NCMAP: variants seen among roughly 807,000 people sequenced by gnomAD.
NCMAP encodes the protein non-compact myelin associated protein.
A neutral mutation model predicts 7.8 loss-of-function variants in NCMAP; 8 were observed. The observed-to-expected ratio is 1.02, with a 90% confidence interval of 0.60 to 1.84. The LOEUF (loss-of-function observed/expected upper bound fraction) is 1.84, where lower values mean the gene tolerates loss of function less well. NCMAP is among the 40% of genes most tolerant of loss of function. NCMAP has a pLI of 0.00. For synonymous variants in NCMAP, 41 were observed against 52.9 expected (o/e 0.78, Z 0.98); for missense variants, 112 against 131.4 (o/e 0.85, Z 0.72).
At chr1:24,597,852 A>T (rs1652314698) in intron 2 of NCMAP, among the ~76,000 whole-genome samples, 1 of 152,000 alleles carries the variant, frequency 6.6e-6, no homozygotes, top group African/African-American at 2.4e-5. Context: ...AATATTTGAG[A>T]TGTACTTATA....
At chr1:24,598,262 T>C (rs1465349706) in intron 2 of NCMAP, among the ~76,000 whole-genome samples, 1 of 150,750 alleles carries the variant, frequency 6.6e-6, no homozygotes, top group East Asian at 1.9e-4. Flanking sequence ...ACATTCAAAA[T>C]GTGCATAAAT....
At chr1:24,559,277 T>C (rs1431037371) in intron 1 of NCMAP, among the ~76,000 whole-genome samples, 2 of 152,190 alleles carry the variant, frequency 1.3e-5, no homozygotes, top group African/African-American at 2.4e-5. Flanking sequence ...GAGGCAGTCA[T>C]TGGCATCTCA....
At chr1:24,574,865 G>A (rs1357813901) in intron 1 of NCMAP, among the ~76,000 whole-genome samples, 4 of 147,562 alleles carry the variant, frequency 2.7e-5, no homozygotes, top group African/African-American at 5.0e-5. Flanking sequence ...GCATGATCTC[G>A]GCTCACTGCA....
At chr1:24,604,617 T>A (rs1376715912) in intron 3 of NCMAP, among the ~76,000 whole-genome samples, 7 of 26,642 alleles carry the variant, frequency 2.6e-4, no homozygotes, top group Admixed American at 4.3e-4. Context: ...TATATATATA[T>A]ATATATATAT....
chr1:24,607,293 G>C lies in NCMAP; in HGVS notation c.*1546G>C. On this transcript the variant is annotated 3_prime_UTR_variant, in exon 4 of 4. Transcript: ENST00000374392. ...TGGGATTACAGGCATGGACTATGGT[G>C]CCCAGCCTAGGAGCCAACATTATTA... 6.6e-6 allele frequency: 1 copy of C among 152,070 alleles called. No homozygotes were observed. Among genetic ancestry groups the C allele is most frequent in the East Asian group, 1.9e-4 (1 of 5,158 alleles). The allele number at this position is 152,070 out of a possible 1,614,324, so 9.4% of individuals were successfully genotyped here. A position where few individuals can be genotyped will look rare whatever the true frequency, so the allele number is the denominator to read the frequency against.
chr1:24,602,524 C>T (rs1230100468), intron 3 of NCMAP, among the ~76,000 whole-genome samples: 22 of 125,080 alleles, frequency 1.8e-4, no homozygotes, highest in African/African-American at 6.5e-4. Context: ...GAGCGGAGAT[C>T]GCGCCACAGC....
chr1:24,577,416 T>G (rs1350712441), intron 1 of NCMAP, among the ~76,000 whole-genome samples: 10 of 146,298 alleles, frequency 6.8e-5, no homozygotes, highest in South Asian at 2.2e-4. Context: ...TTTTTTTTTT[T>G]TTTTTTTTTT....
intron 1 of NCMAP, among the ~76,000 whole-genome samples, chr1:24,571,762 T>G (rs1398490879): frequency 6.7e-6 from 1 of 150,014 alleles, no homozygotes; most frequent in Non-Finnish European, 1.5e-5. Context: ...ATTTTTGTGT[T>G]TTTGGTAGAG....
intron 3 of NCMAP, among the ~76,000 whole-genome samples, chr1:24,604,625 T>A (rs868589576): frequency 5.3e-5 from 3 of 56,432 alleles, no homozygotes; most frequent in Non-Finnish European, 8.6e-5. Context: ...TATATATATA[T>A]ATATATATAT....
In NCMAP at chr1:24,597,642, A is replaced by AGAAG. The variant is rs1553157433; in HGVS notation, c.82+2133_82+2134insGGAA. ...GAGAAAGAAAGAAAGAAAGAAAGAA[A>AGAAG]GAAAGAAAGAAAGAAAGAAAGAAAG... On this transcript the variant is annotated intron_variant, in intron 2 of 3. Transcript: ENST00000374392. Among the ~76,000 whole-genome samples the AGAAG allele has an allele frequency of 1.1e-4, 14 of 124,746 alleles. 1 individual carries two copies. The highest frequency in any genetic ancestry group is 5.2e-4 in the African/African-American group (13 of 24,994). 81.8% of individuals were successfully genotyped at this position (124,746 alleles called of 152,430 possible).
intron 1 of NCMAP, among the ~76,000 whole-genome samples, chr1:24,593,956 A>ATC (rs1183409816): frequency 6.6e-6 from 1 of 151,836 alleles, no homozygotes; most frequent in African/African-American, 2.4e-5. Context: ...CAGTGGTGCA[A>ATC]TCTCTGCTCA....
intron 1 of NCMAP, among the ~76,000 whole-genome samples, chr1:24,556,470 C>CCTTCCT (rs1650899376): frequency 6.6e-6 from 1 of 152,172 alleles, no homozygotes; most frequent in Non-Finnish European, 1.5e-5. Flanking sequence ...GGCCGAGGCT[C>CCTTCCT]GCTGGAAGAA....
rs1269011338 is a variant in NCMAP, at chr1:24,607,763, C to G, written c.*2016C>G. On this transcript the variant is annotated 3_prime_UTR_variant, in exon 4 of 4. Transcript: ENST00000374392. ...ACCTGTAATCCCACTACTAGGGAGG[C>G]TGTGGCATGAGAATCACTTGAACCT... The G allele has an allele frequency of 2.6e-5, 4 of 152,342 alleles. No individual in the cohort carries two copies. Among genetic ancestry groups the G allele is most frequent in the African/African-American group, 9.6e-5 (4 of 41,458 alleles). 9.4% of individuals were successfully genotyped at this position (152,342 alleles called of 1,614,324 possible).
At chr1:24,581,734 G>A (rs1651752015) in intron 1 of NCMAP, among the ~76,000 whole-genome samples, 1 of 152,186 alleles carries the variant, frequency 6.6e-6, no homozygotes, top group Admixed American at 6.5e-5. Context: ...CCAGAGAGGG[G>A]CCTAAAGCAG....
intron 1 of NCMAP, among the ~76,000 whole-genome samples, chr1:24,559,853 C>G (rs1357340836): frequency 6.6e-6 from 1 of 152,232 alleles, no homozygotes; most frequent in Non-Finnish European, 1.5e-5. Flanking sequence ...CGATAGTACC[C>G]TCTGCAATCA....
Position 24,573,952 on chromosome 1 carries a change from CAAA to C in NCMAP, c.-8+17800_-8+17802del, listed in dbSNP as rs78594011. Among the ~76,000 whole-genome samples the C allele has an allele frequency of 1.3e-3, 112 of 84,436 alleles. 2 individuals are homozygous for C. The highest frequency in any genetic ancestry group is 4.9e-3 in the African/African-American group (90 of 18,396). 55.4% of individuals were successfully genotyped at this position (84,436 alleles called of 152,430 possible). On this transcript the variant is annotated intron_variant, in intron 1 of 3. Transcript: ENST00000374392. ...CACTCTGCTGGGGACCCAGAGAGGA[CAAA>C]AAAAAAAAAAAAAAAACAGAAAAAA...
At chr1:24,577,401 GTTTTTTTTTTTTTTTTT>G (rs71577720) in intron 1 of NCMAP, among the ~76,000 whole-genome samples, 1 of 39,956 alleles carries the variant, frequency 2.5e-5, no homozygotes, top group Admixed American at 3.1e-4. Context: ...CACTGGCCTT[GTTTTTTTTTTTTTTTTT>G]TTTTTTTTTT....
intron 2 of NCMAP, among the ~76,000 whole-genome samples, chr1:24,598,367 G>A (rs1371308336): frequency 2.6e-5 from 4 of 152,198 alleles, no homozygotes; most frequent in South Asian, 4.1e-4. Context: ...GTATCCTAGA[G>A]GTCGTGGTTC....
At chr1:24,563,299 ATGACC>A (rs1348039377) in intron 1 of NCMAP, among the ~76,000 whole-genome samples, 7 of 150,974 alleles carry the variant, frequency 4.6e-5, no homozygotes, top group Admixed American at 4.6e-4. Context: ...AGGCAGGCAG[ATGACC>A]TGAGGTTGGG....
Sources: gnomAD v4.1 joint callset for allele counts (sites outside exome capture counted in the v4.1 genomes callset) on GRCh38, gnomAD v4.1.1 for gene constraint, MANE v1.5 for transcripts, NCBI Gene and HGNC (gene_info 2026-07-23, HGNC 2026-07-21) for gene names.